The following SH2D6 variants were observed in gnomAD, a reference collection of about 807,000 sequenced individuals.
SH2D6 encodes SH2 domain-containing protein 6.
A neutral mutation model predicts 30.2 loss-of-function variants in SH2D6; 31 were observed. The observed-to-expected ratio is 1.03, with a 90% confidence interval of 0.77 to 1.38. The LOEUF is 1.38. Among genes scored for constraint, SH2D6 ranks in the 40% most tolerant of loss-of-function variants. The pLI, the probability that SH2D6 is intolerant of heterozygous loss-of-function variation, is 0.00. For synonymous variants in SH2D6, 93 were observed against 104.6 expected (o/e 0.89, Z 0.68); for missense variants, 240 against 266.8 (o/e 0.90, Z 0.70).
chr2:85,423,050 G>A (rs1687801859), intron 5 of SH2D6, among the ~76,000 whole-genome samples: 1 of 152,098 alleles, frequency 6.6e-6, no homozygotes, highest in Non-Finnish European at 1.5e-5. Flanking sequence ...ACCACGTCTG[G>A]CTAATTTTTG....
intron 16 of SH2D6, 95 bp from the exon 17 acceptor site, chr2:85,433,938 C>A: frequency 9.3e-7 from 1 of 1,070,942 alleles, no homozygotes; most frequent in Non-Finnish European, 1.4e-6. Context: ...TGCAGAGAAG[C>A]AGCAGGCCCT....
chr2:85,431,057 A>G (rs1045007855), intron 12 of SH2D6, among the ~76,000 whole-genome samples, 153 bp from the exon 13 acceptor site: 3 of 152,076 alleles, frequency 2.0e-5, no homozygotes, highest in African/African-American at 4.8e-5. Context: ...GCCCGCCTCC[A>G]GTTGCCATGG....
At chr2:85,428,479 G>A (rs757026258) in intron 6 of SH2D6, 105 bp from the exon 7 acceptor site, 2 of 152,116 alleles carry the variant, frequency 1.3e-5, no homozygotes, top group African/African-American at 4.8e-5. Flanking sequence ...GGGTCTTTAG[G>A]GAGGTCATTA....
chr2:85,433,519 G>T (rs1410174908), intron 15 of SH2D6, 52 bp from the exon 16 acceptor site: 4 of 939,436 alleles, frequency 4.3e-6, no homozygotes, highest in Non-Finnish European at 3.8e-6. Context: ...GTCCTAAATG[G>T]AGCCTCAGGA....
At chr2:85,436,440 C>G (rs1689467567) in intron 22 of SH2D6, 26 bp from the exon 23 acceptor site, 1 of 1,589,516 alleles carries the variant, frequency 6.3e-7, no homozygotes, top group Non-Finnish European at 8.6e-7. Flanking sequence ...TCATGGGACT[C>G]ACGGATGCCC....
rs1390192122 is a variant in SH2D6, at chr2:85,418,801, T to G, written c.-922T>G. ...GGTAGCTAGGTGGGGGCTACCCTGC[T>G]GGGGAAGAGATGGCCTTCTCTCCTC... is the stretch of plus-strand genomic sequence containing the variant. On this transcript the variant is annotated 5_prime_UTR_variant, in exon 1 of 24. Coordinates refer to ENST00000469800, the MANE Select transcript of SH2D6 (RefSeq NM_001394463.1). 1 of 152,292 alleles carries G rather than the reference T, an allele frequency of 6.6e-6. No homozygotes were observed. The highest frequency in any genetic ancestry group is 2.4e-5 in the African/African-American group (1 of 41,440). 9.4% of individuals were successfully genotyped at this position (152,292 alleles called of 1,614,324 possible).
chr2:85,432,776 T>C (rs1688907876), intron 14 of SH2D6, among the ~76,000 whole-genome samples: 1 of 152,226 alleles, frequency 6.6e-6, no homozygotes, highest in Non-Finnish European at 1.5e-5. Context: ...CCTCAAGTGA[T>C]CTGCCCGCCT....
intron 14 of SH2D6, among the ~76,000 whole-genome samples, chr2:85,432,247 G>T: frequency 7.3e-6 from 1 of 137,272 alleles, no homozygotes. Flanking sequence ...CGGCTGCTCT[G>T]ATTTTTTTTT....
At position 85,430,528 on chromosome 2, in the gene SH2D6, C is replaced by T. The variant is rs1420654767; in HGVS notation, c.136-10C>T. The T allele has an allele frequency of 1.3e-5, 2 of 153,132 alleles. No homozygotes were observed. The highest frequency in any genetic ancestry group is 4.8e-5 in the African/African-American group (2 of 41,426). 9.5% of individuals were successfully genotyped at this position (153,132 alleles called of 1,614,324 possible). On this transcript the variant is annotated splice_polypyrimidine_tract_variant and intron_variant, in intron 11 of 23. Coordinates refer to ENST00000469800, the MANE Select transcript of SH2D6 (RefSeq NM_001394463.1). This position sits in a 1 kb window ranked among gnomAD's most constrained non-coding sequence, Gnocchi z 4.3. The stretch of plus-strand genomic sequence containing the variant: ...TCCATTCCTGCTGTGCTGAGCATCC[C>T]TTCCTCCAGGCCCAGGAGGAGGACG...
intron 6 of SH2D6, among the ~76,000 whole-genome samples, chr2:85,426,847 CCTGGTAT>C (rs1688089793): frequency 6.6e-6 from 1 of 152,230 alleles, no homozygotes; most frequent in Non-Finnish European, 1.5e-5. Flanking sequence ...CAGACTTGTG[CCTGGTAT>C]CTGGGGTGGC....
rs1689494625 is a variant in SH2D6, at chr2:85,436,614, C to G, written c.*12+20C>G. 14 of 1,584,388 alleles carry G rather than the reference C, an allele frequency of 8.8e-6. No homozygotes were observed. Among genetic ancestry groups the G allele is most frequent in the Non-Finnish European group, 1.2e-5 (14 of 1,153,568 alleles). On this transcript the variant is annotated intron_variant, in intron 23 of 23. Transcript: ENST00000469800. ...AGCGAAGTACACACCGCCTTTGGCC[C>G]CAGTTTGCTTCTTGTCCCGCCCCAC...
At chr2:85,429,496 G>A (rs1268706018) in intron 8 of SH2D6, 28 bp downstream of exon 8, 1 of 152,588 alleles carries the variant, frequency 6.6e-6, no homozygotes, top group Non-Finnish European at 1.5e-5. Flanking sequence ...GACGGCCTCA[G>A]GCATGTAAAC....
Position 85,436,545 on chromosome 2 carries a change from G to T in SH2D6, c.971G>T (p.Arg324Leu). ...CTTGTGGACAGACACAGCGGCAGCC[G>T]GGAACTCACCTGCCTGCTCTTCCCC... ...LPLVDRHSGS[R>L]ELTCLLFPTK... The change falls in exon 23 of 24, where the codon CGG becomes CTG. Residue 324 changes from arginine to leucine, a missense_variant. Coordinates refer to ENST00000469800, the MANE Select transcript of SH2D6 (RefSeq NM_001394463.1). 1 of 1,613,650 alleles carries T rather than the reference G, an allele frequency of 6.2e-7. No homozygotes were observed. The highest frequency in any genetic ancestry group is 8.5e-7 in the Non-Finnish European group (1 of 1,179,996).
At chr2:85,429,350 G>A (rs1157574747) in intron 7 of SH2D6, 22 bp from the exon 8 acceptor site, 2 of 152,278 alleles carry the variant, frequency 1.3e-5, no homozygotes, top group African/African-American at 4.8e-5. Flanking sequence ...GGCCACAGCA[G>A]ATCTACCTTC....
At chr2:85,436,671 C>T in intron 23 of SH2D6, 77 bp downstream of exon 23, 1 of 1,033,220 alleles carries the variant, frequency 9.7e-7, no homozygotes, top group Non-Finnish European at 1.5e-6. Context: ...CTTCCCCACC[C>T]CTCCTCACCC....
chr2:85,423,634 GA>G (rs1364318853), intron 5 of SH2D6, among the ~76,000 whole-genome samples: 1 of 152,236 alleles, frequency 6.6e-6, no homozygotes, highest in African/African-American at 2.4e-5. Flanking sequence ...GTGCACCAGG[GA>G]GGGATGGGGC....
intron 14 of SH2D6, among the ~76,000 whole-genome samples, chr2:85,432,186 G>T (rs1220926489): frequency 1.3e-5 from 2 of 150,750 alleles, no homozygotes; most frequent in African/African-American, 4.9e-5. Flanking sequence ...ATGAAATATT[G>T]TGCCTAAGAT....
At chr2:85,436,388 G>A in intron 22 of SH2D6, 78 bp from the exon 23 acceptor site, 1 of 1,037,476 alleles carries the variant, frequency 9.6e-7, no homozygotes, top group Non-Finnish European at 1.5e-6. Context: ...CCCCTTGCCA[G>A]AGTCCCACAG....
At chr2:85,423,379 G>A (rs188655266) in intron 5 of SH2D6, among the ~76,000 whole-genome samples, 1 of 151,894 alleles carries the variant, frequency 6.6e-6, no homozygotes, top group African/African-American at 2.4e-5. Flanking sequence ...TTATAGGCGT[G>A]TGCTATCACA....
Sources: gnomAD v4.1 joint callset for allele counts (sites outside exome capture counted in the v4.1 genomes callset) on GRCh38, gnomAD v4.1.1 for gene constraint, Gnocchi (gnomAD v3.1) non-coding constraint, MANE v1.5 for transcripts, NCBI Gene and HGNC (gene_info 2026-07-23, HGNC 2026-07-21) for gene names.